ASTN2: variants seen among roughly 807,000 people sequenced by gnomAD.
ASTN2 encodes astrotactin-2.
In ASTN2, 54 loss-of-function variants were observed where a neutral mutation model predicts 139.8. The ratio of observed to expected loss-of-function variants is 0.39; its 90% CI spans 0.31 to 0.48. The LOEUF is 0.48. Among genes scored for constraint, ASTN2 ranks in the 20% least tolerant of loss-of-function variants. ASTN2 has a pLI of 0.95. For missense variants in ASTN2, 1,565 were observed against 1,725.1 expected (o/e 0.91, Z 1.64); for synonymous variants, 756 against 719.5 (o/e 1.05, Z -0.81).
At chr9:116,761,493 G>C (rs576078605) in intron 13 of ASTN2, among the ~76,000 whole-genome samples, 2 of 152,050 alleles carry the variant, frequency 1.3e-5, no homozygotes, top group African/African-American at 2.4e-5. Flanking sequence ...AGGAGTTGGC[G>C]GACTCCTGAT....
chr9:117,311,444 A>T (rs1827973607), intron 1 of ASTN2, among the ~76,000 whole-genome samples: 1 of 152,024 alleles, frequency 6.6e-6, no homozygotes, highest in Non-Finnish European at 1.5e-5. Context: ...AGCTCATGAG[A>T]TTGCCATCCA....
At chr9:116,803,048 C>A (rs1332998008) in intron 13 of ASTN2, among the ~76,000 whole-genome samples, 1 of 152,190 alleles carries the variant, frequency 6.6e-6, no homozygotes, top group Non-Finnish European at 1.5e-5. Context: ...TGGAACACTG[C>A]TTTGCAAATT....
chr9:116,910,886 T>G (rs929818267), intron 10 of ASTN2, among the ~76,000 whole-genome samples: 3 of 152,188 alleles, frequency 2.0e-5, no homozygotes, highest in Admixed American at 2.0e-4. Flanking sequence ...ACTGGGATTC[T>G]TACGAATCCT....
At chr9:116,933,005 C>CAAA (rs34505075) in intron 10 of ASTN2, among the ~76,000 whole-genome samples, 2 of 70,052 alleles carry the variant, frequency 2.9e-5, no homozygotes, top group African/African-American at 5.5e-5. Flanking sequence ...GACTCTGTCT[C>CAAA]AAAAAAAAAA....
intron 20 of ASTN2, among the ~76,000 whole-genome samples, chr9:116,477,716 A>G (rs1849028552): frequency 6.6e-6 from 1 of 151,618 alleles, no homozygotes; most frequent in African/African-American, 2.4e-5. Context: ...AGAGGTACAT[A>G]CAGACACAAA....
chr9:117,339,223 G>A (rs975182431), intron 1 of ASTN2, among the ~76,000 whole-genome samples: 1 of 152,162 alleles, frequency 6.6e-6, no homozygotes, highest in African/African-American at 2.4e-5. Flanking sequence ...GAGGGCAATT[G>A]ACTTTGTTCC....
chr9:117,058,048 A>G (rs1226376923), intron 5 of ASTN2, among the ~76,000 whole-genome samples: 1 of 152,212 alleles, frequency 6.6e-6, no homozygotes, highest in East Asian at 1.9e-4. Flanking sequence ...TTAGCAAAGT[A>G]TTATAACCAG....
chr9:116,604,599 A>G (rs755273393), intron 19 of ASTN2, among the ~76,000 whole-genome samples: 2 of 152,152 alleles, frequency 1.3e-5, no homozygotes, highest in Non-Finnish European at 2.9e-5. Flanking sequence ...CATGGCCCAC[A>G]CTGCATGAGG....
chr9:116,728,299 A>G (rs1185709582), intron 15 of ASTN2, among the ~76,000 whole-genome samples: 2 of 152,186 alleles, frequency 1.3e-5, no homozygotes, highest in Non-Finnish European at 2.9e-5. Context: ...TGATATAGAT[A>G]TTTAAGCACC....
intron 13 of ASTN2, among the ~76,000 whole-genome samples, chr9:116,745,547 G>A (rs757839772): frequency 5.9e-5 from 9 of 152,098 alleles, no homozygotes; most frequent in African/African-American, 1.9e-4. Context: ...TTCTCTGCAC[G>A]TGTTTCCCAT....
intron 10 of ASTN2, among the ~76,000 whole-genome samples, chr9:116,974,545 G>C (rs1312762538): frequency 1.6e-5 from 2 of 125,308 alleles, no homozygotes; most frequent in African/African-American, 6.1e-5. Context: ...GTCTCACTCT[G>C]TTCCCCAGGC....
rs540357956 is a variant in ASTN2, at chr9:116,511,906, G to T, written c.3356-24406C>A. 9.1e-3 allele frequency among the ~76,000 whole-genome samples: 1,381 copies of T among 151,906 alleles called. 24 individuals are homozygous for T. The highest frequency in any genetic ancestry group is 0.032 in the African/African-American group (1,327 of 41,450). On this transcript the variant is annotated intron_variant, in intron 19 of 22. Coordinates refer to ENST00000313400, the MANE Select transcript of ASTN2 (RefSeq NM_001365068.1). ...GATTCTTCTCTCTTTTGTTCTTTAT[G>T]AGTCTTGCTAGTGGTCTATCAATTT... is the stretch of plus-strand genomic sequence containing the variant.
intron 17 of ASTN2, among the ~76,000 whole-genome samples, chr9:116,649,572 C>CAAAAAAA (rs35946741): frequency 7.3e-6 from 1 of 137,600 alleles, no homozygotes; most frequent in Non-Finnish European, 1.6e-5. Flanking sequence ...AAAACTGTCT[C>CAAAAAAA]AAAAAAAAAA....
intron 3 of ASTN2, among the ~76,000 whole-genome samples, chr9:117,210,675 A>C (rs1216766502): frequency 6.6e-6 from 1 of 152,176 alleles, no homozygotes; most frequent in Non-Finnish European, 1.5e-5. Context: ...CAAAACATTG[A>C]AGCAGAGGGA....
Position 116,699,413 on chromosome 9 carries a change from T to C in ASTN2, c.2806+26358A>G. 6.2e-7 allele frequency: 1 copy of C among 1,614,128 alleles called. No individual in the cohort carries two copies. Reference sequence around the variant, plus strand: ...GCTTTTCCATTGGCTCTGTAGGCCCTGATGGGCAGCTGGGTCGCCAGATTA... The same window carrying C: ...GCTTTTCCATTGGCTCTGTAGGCCCCGATGGGCAGCTGGGTCGCCAGATTA... On this transcript the variant is annotated intron_variant, in intron 16 of 22. Coordinates refer to ENST00000313400, the MANE Select transcript of ASTN2 (RefSeq NM_001365068.1). This position sits in a 1 kb window ranked among gnomAD's most constrained non-coding sequence, Gnocchi z 4.2.
intron 1 of ASTN2, among the ~76,000 whole-genome samples, chr9:117,364,207 C>T (rs1309659691): frequency 1.3e-5 from 2 of 152,184 alleles, no homozygotes; most frequent in African/African-American, 4.8e-5. Context: ...GCTTCCCCCT[C>T]TGATAACTTA....
intron 19 of ASTN2, chr9:116,582,676 T>C (rs1853998247): frequency 2.0e-5 from 3 of 152,226 alleles, no homozygotes; most frequent in Admixed American, 1.3e-4. Context: ...CGAAACTGTG[T>C]AAACACCAGT....
chr9:116,953,903 G>C (rs1564358213), intron 10 of ASTN2, among the ~76,000 whole-genome samples: 1 of 152,212 alleles, frequency 6.6e-6, no homozygotes, highest in South Asian at 2.1e-4. Flanking sequence ...GTCCAGTGGA[G>C]TAGAAGGGGT....
chr9:117,172,978 C>G (rs1830829393), intron 3 of ASTN2, among the ~76,000 whole-genome samples: 1 of 152,112 alleles, frequency 6.6e-6, no homozygotes, highest in South Asian at 2.1e-4. Context: ...GTTACCTATG[C>G]TCTAGATTTG....
Sources: gnomAD v4.1 joint callset for allele counts (sites outside exome capture counted in the v4.1 genomes callset) on GRCh38, gnomAD v4.1.1 for gene constraint, Gnocchi (gnomAD v3.1) non-coding constraint, MANE v1.5 for transcripts, NCBI Gene and HGNC (gene_info 2026-07-23, HGNC 2026-07-21) for gene names.